IQSEC1: variants seen among roughly 807,000 people sequenced by gnomAD.
The protein encoded by IQSEC1 is IQ motif and SEC7 domain-containing protein 1.
IQSEC1 carries 31 observed loss-of-function variants against 91.0 expected under a neutral mutation model. That is an observed-to-expected ratio of 0.34 (90% CI 0.26 to 0.46). The LOEUF (loss-of-function observed/expected upper bound fraction) is 0.46. IQSEC1 is among the 20% of genes least tolerant of loss of function. The pLI is 1.00. For missense variants in IQSEC1, 1,388 were observed against 1,575.6 expected, an observed-to-expected ratio of 0.88 and a Z score of 2.02; for synonymous variants, 699 against 662.6, an observed-to-expected ratio of 1.05 and a Z score of -0.84.
chr3:13,057,928 G>A (rs1188972167), intron 1 of IQSEC1, among the ~76,000 whole-genome samples: 1 of 152,256 alleles, frequency 6.6e-6, no homozygotes. Flanking sequence ...AACCCAGACA[G>A]CAGGTGACAA....
intron 1 of IQSEC1, among the ~76,000 whole-genome samples, chr3:12,978,226 T>C (rs186108506): frequency 8.5e-5 from 13 of 152,276 alleles, no homozygotes; most frequent in African/African-American, 3.1e-4. Context: ...ACACAGCCCA[T>C]GTGATGAAGC....
Position 13,073,221 on chromosome 3 carries a change from C to T in IQSEC1, c.-207G>A, listed in dbSNP as rs921942156. The T allele has an allele frequency of 1.4e-5, 9 of 628,258 alleles. No homozygotes were observed. In the African/African-American group the frequency reaches 1.5e-4, roughly 10 times the overall value. 38.9% of individuals were successfully genotyped at this position (628,258 alleles called of 1,614,324 possible). On this transcript the variant is annotated 5_prime_UTR_variant, in exon 1 of 14. Coordinates refer to ENST00000613206, the MANE Select transcript of IQSEC1 (RefSeq NM_001134382.3). The stretch of plus-strand genomic sequence containing the variant: ...GCGCCAGCAGCGGGCTGTGGAGGGC[C>T]CTGGCACGTAGCGCGCGCTCACACC...
At chr3:13,201,314 G>A (rs918571356) in intron 1 of IQSEC1, among the ~76,000 whole-genome samples, 2 of 152,086 alleles carry the variant, frequency 1.3e-5, no homozygotes, top group Admixed American at 6.6e-5. Context: ...GGAGACATTG[G>A]GAAAGGCTGA....
chr3:13,106,713 C>T (rs1706158069), intron 2 of IQSEC1, among the ~76,000 whole-genome samples: 1 of 152,166 alleles, frequency 6.6e-6, no homozygotes, highest in African/African-American at 2.4e-5. Flanking sequence ...TCCTGCGGCT[C>T]CATGGGTTAG....
intron 1 of IQSEC1, chr3:13,053,265 G>C (rs774022817): frequency 7.0e-6 from 4 of 574,562 alleles, no homozygotes; most frequent in Non-Finnish European, 1.2e-5. Context: ...CGTCATCCTT[G>C]CTGGAGCATC....
chr3:12,954,534 G>A (rs1425175729), intron 1 of IQSEC1, among the ~76,000 whole-genome samples: 1 of 152,100 alleles, frequency 6.6e-6, no homozygotes, highest in East Asian at 1.9e-4. Context: ...AGGAAAAGAG[G>A]GATTTGCAGG....
chr3:13,196,504 A>G (rs1051129909), intron 1 of IQSEC1, among the ~76,000 whole-genome samples: 9 of 152,194 alleles, frequency 5.9e-5, no homozygotes, highest in Non-Finnish European at 1.0e-4. Flanking sequence ...CCTCTGAGAC[A>G]GGCTCCTGTC....
At chr3:13,041,955 G>C (rs1559737041) in intron 1 of IQSEC1, among the ~76,000 whole-genome samples, 1 of 152,218 alleles carries the variant, frequency 6.6e-6, no homozygotes, top group Non-Finnish European at 1.5e-5. Context: ...TACCGGGAAA[G>C]AGCAGGCCGG....
At chr3:13,026,224 G>A (rs1051931108) in intron 1 of IQSEC1, among the ~76,000 whole-genome samples, 9 of 152,306 alleles carry the variant, frequency 5.9e-5, no homozygotes, top group African/African-American at 2.2e-4. Flanking sequence ...CTCTCTTTCT[G>A]GTTCATGAAA....
chr3:12,932,740 G>A (rs1170647230), intron 3 of IQSEC1, among the ~76,000 whole-genome samples: 1 of 152,198 alleles, frequency 6.6e-6, no homozygotes, highest in African/African-American at 2.4e-5. Flanking sequence ...TCCCACAGCT[G>A]ATAGGTGGCA....
At chr3:13,113,267 T>C (rs1318603954) in intron 2 of IQSEC1, among the ~76,000 whole-genome samples, 1 of 152,210 alleles carries the variant, frequency 6.6e-6, no homozygotes, top group Non-Finnish European at 1.5e-5. Flanking sequence ...GAAGGGCTGA[T>C]TGATGCTGAA....
chr3:13,269,220 C>T (rs1184080593), intron 1 of IQSEC1, among the ~76,000 whole-genome samples: 2 of 152,196 alleles, frequency 1.3e-5, no homozygotes. Flanking sequence ...CTCCTGCCCT[C>T]AGGGCAGGAC....
intron 1 of IQSEC1, among the ~76,000 whole-genome samples, chr3:13,273,501 A>T (rs773239423): frequency 5.9e-5 from 9 of 151,826 alleles, no homozygotes; most frequent in Non-Finnish European, 1.0e-4. Flanking sequence ...ATCTGGAGCC[A>T]CTCCTTTGGT....
At chr3:13,012,356 C>T (rs867734770) in intron 1 of IQSEC1, among the ~76,000 whole-genome samples, 13 of 152,334 alleles carry the variant, frequency 8.5e-5, no homozygotes, top group Middle Eastern at 6.8e-3. Flanking sequence ...CTGCCACCTC[C>T]TCCAGGAAGC....
chr3:12,915,261 C>G, intron 7 of IQSEC1, 128 bp from the exon 8 acceptor site: 1 of 1,089,620 alleles, frequency 9.2e-7, no homozygotes, highest in Non-Finnish European at 1.4e-6. Context: ...GGTACCCACT[C>G]TCTCTGGCAG....
At chr3:13,078,106 G>A (rs1705591772), upstream of IQSEC1, among the ~76,000 whole-genome samples, 1 of 152,188 alleles carries the variant, frequency 6.6e-6, no homozygotes, top group African/African-American at 2.4e-5. Context: ...ACGGGGCCAC[G>A]CTGGCTGGAG....
At chr3:13,236,431 G>C (rs1051149190) in intron 1 of IQSEC1, among the ~76,000 whole-genome samples, 1 of 152,190 alleles carries the variant, frequency 6.6e-6, no homozygotes, top group Non-Finnish European at 1.5e-5. Context: ...GTTTCCATGG[G>C]CCAGGTCCTC....
At chr3:13,226,729 C>G (rs1034804206) in intron 1 of IQSEC1, among the ~76,000 whole-genome samples, 5 of 152,206 alleles carry the variant, frequency 3.3e-5, no homozygotes, top group Admixed American at 3.3e-4. Context: ...ACGCTTCCTG[C>G]ATAATTGGCT....
chr3:12,967,519 C>A lies in IQSEC1; in HGVS notation c.24-25654G>T. 2 of 1,404,906 alleles carry A rather than the reference C, an allele frequency of 1.4e-6. No homozygotes were observed. The highest frequency in any genetic ancestry group is 3.0e-5 in the South Asian group (2 of 66,496). The allele number at this position is 1,404,906 out of a possible 1,614,324, so 87.0% of individuals were successfully genotyped here. ...AGGCCCAGCAGAGGCCGCCGACTCC[C>A]GCCAGCGAGCCGCCGGATCCCGGGG... On this transcript the variant is annotated intron_variant, in intron 1 of 13. Transcript: ENST00000613206. The surrounding 1 kb of genome is among the most constrained non-coding windows in gnomAD (Gnocchi z 5.9).
Sources: allele counts gnomAD v4.1 joint callset (sites outside exome capture counted in the v4.1 genomes callset), GRCh38; gene constraint gnomAD v4.1.1; non-coding constraint Gnocchi (gnomAD v3.1); transcripts MANE v1.5; gene names NCBI Gene and HGNC (gene_info 2026-07-23, HGNC 2026-07-21).